The following SMURF1 variants were observed in gnomAD, a reference collection of about 807,000 sequenced individuals.
SMURF1 encodes the protein E3 ubiquitin-protein ligase SMURF1.
In SMURF1, 44 loss-of-function variants were observed where a neutral mutation model predicts 98.0. The observed-to-expected ratio is 0.45, with a 90% CI of 0.35 to 0.58. SMURF1 has a LOEUF of 0.58. Ranked by LOEUF, SMURF1 falls within the 20% of genes least tolerant of loss-of-function variation. The probability of loss-of-function intolerance (pLI) is 0.00; values close to 1 mark genes in which losing one functional copy is unlikely to be tolerated. For missense variants in SMURF1, 687 were observed against 938.4 expected, an observed-to-expected ratio of 0.73 and a Z score of 3.50; for synonymous variants, 396 against 374.9, an observed-to-expected ratio of 1.06 and a Z score of -0.65.
At chr7:99,116,480 C>T (rs1323127265) in intron 1 of SMURF1, among the ~76,000 whole-genome samples, 1 of 152,150 alleles carries the variant, frequency 6.6e-6, no homozygotes, top group Non-Finnish European at 1.5e-5. Context: ...AGAATCCACA[C>T]AAAAGCTGTT....
Position 99,054,802 on chromosome 7 carries a change from A to C in SMURF1, c.467T>G (p.Leu156Ter). 1 of 1,613,972 alleles carries C rather than the reference A, an allele frequency of 6.2e-7. No individual in the cohort carries two copies. Among genetic ancestry groups the C allele is most frequent in the Non-Finnish European group, 8.5e-7 (1 of 1,179,966 alleles). ...TGGTTATACGTACCCTTCATTTTCT[A>C]ACAGTCCTCTGCAGTCCACCACCGA... ...GGSVVDCRGL[L>*]ENEGTVYEDS... Residue 156 changes from leucine (L) to a stop codon, truncating the protein, a stop_gained, in exon 6 of 18, where the codon TTA (leucine) becomes TGA (stop). Transcript: ENST00000361368. LOFTEE classifies it high-confidence loss of function.
At chr7:99,119,206 C>T (rs1297716587) in intron 1 of SMURF1, among the ~76,000 whole-genome samples, 3 of 151,776 alleles carry the variant, frequency 2.0e-5, no homozygotes, top group African/African-American at 2.4e-5. Context: ...TTTTATCTAG[C>T]GTATCTTTGC....
chr7:99,120,389 C>G (rs1434801981), intron 1 of SMURF1, among the ~76,000 whole-genome samples: 1 of 152,182 alleles, frequency 6.6e-6, no homozygotes, highest in Non-Finnish European at 1.5e-5. Flanking sequence ...CTATCATTGT[C>G]TATTACTACC....
At chr7:99,136,426 T>C (rs940274532) in intron 1 of SMURF1, among the ~76,000 whole-genome samples, 1 of 152,270 alleles carries the variant, frequency 6.6e-6, no homozygotes, top group Admixed American at 6.5e-5. Flanking sequence ...TTTATCCTAT[T>C]TTTTGCCATG....
chr7:99,045,924 C>T (rs1195082544), intron 10 of SMURF1, 123 bp from the exon 11 acceptor site: 6 of 697,820 alleles, frequency 8.6e-6, no homozygotes, highest in Non-Finnish European at 1.5e-5. Context: ...TTATCTGGCT[C>T]CTCATCAGAA....
At position 99,144,019 on chromosome 7, in the gene SMURF1, GCCGCCGCCT is replaced by G. The variant is rs1270503601; in HGVS notation, c.-248_-240del. 4.8e-5 allele frequency: 8 copies of G among 167,520 alleles called. No homozygotes were observed. Among genetic ancestry groups the G allele is most frequent in the South Asian group, 3.0e-4 (1 of 3,286 alleles). The allele number at this position is 167,520 out of a possible 1,614,324, so 10.4% of individuals were successfully genotyped here. A position where few individuals can be genotyped will look rare whatever the true frequency, so the allele number is the denominator to read the frequency against. Reference sequence around the variant, plus strand: ...TTCCAGCCGAGCCCAGTCCCGAGCCGCCGCCGCCTCCGCCGCCGCCTCCGCCGCCTCCAC... The same window carrying G: ...TTCCAGCCGAGCCCAGTCCCGAGCCGCCGCCGCCGCCTCCGCCGCCTCCAC... On this transcript the variant is annotated 5_prime_UTR_variant, in exon 1 of 18. Coordinates refer to ENST00000361368, the MANE Select transcript of SMURF1 (RefSeq NM_181349.3).
chr7:99,112,636 T>G (rs1797349152), intron 1 of SMURF1, among the ~76,000 whole-genome samples: 2 of 151,916 alleles, frequency 1.3e-5, no homozygotes, highest in African/African-American at 4.8e-5. Flanking sequence ...AAAAAAGAAA[T>G]TAACAGAAAT....
At chr7:99,122,016 C>T (rs1334145670) in intron 1 of SMURF1, among the ~76,000 whole-genome samples, 3 of 152,186 alleles carry the variant, frequency 2.0e-5, no homozygotes, top group African/African-American at 7.2e-5. Context: ...GAAAAGACTA[C>T]AAGAACCTGT....
Position 99,035,563 on chromosome 7 carries a change from C to G in SMURF1, c.1963G>C (p.Val655Leu). The change falls in exon 16 of 18, where the codon GTG becomes CTG. Residue 655 changes from valine to leucine, a missense_variant. Val to Leu is a conservative substitution (Grantham distance 32). Transcript: ENST00000361368. Reference protein sequence around the residue: ...EERRARLLQFVTGSTRVPLQG... With the variant: ...EERRARLLQFLTGSTRVPLQG... ...AGCGGGACTCGCGTGGACCCAGTCA[C>G]AAACTGCAGGAGCCTGGCCCTCCTT... 6.2e-7 allele frequency: 1 copy of G among 1,614,252 alleles called. No homozygotes were observed. Among genetic ancestry groups the G allele is most frequent in the Non-Finnish European group, 8.5e-7 (1 of 1,180,050 alleles).
In SMURF1 at chr7:99,027,699, A is replaced by T. The variant is rs1002559195; in HGVS notation, c.*2885T>A. ...AAAACAAGACATTACAAAATAAATT[A>T]AAAAATACGTTATAAAGTGGTTGAG... On this transcript the variant is annotated 3_prime_UTR_variant, in exon 18 of 18. Transcript: ENST00000361368. 27 of 152,806 alleles carry T rather than the reference A, an allele frequency of 1.8e-4. No individual in the cohort carries two copies. Among genetic ancestry groups the T allele is most frequent in the Non-Finnish European group, 2.4e-4 (16 of 68,042 alleles). 9.5% of individuals were successfully genotyped at this position (152,806 alleles called of 1,614,324 possible). A position where few individuals can be genotyped will look rare whatever the true frequency, so the allele number is the denominator to read the frequency against.
chr7:99,036,957 C>T (rs1562997489), intron 15 of SMURF1, 110 bp downstream of exon 15: 1 of 1,544,972 alleles, frequency 6.5e-7, no homozygotes, highest in Non-Finnish European at 8.8e-7. Flanking sequence ...CCCAGCAGCT[C>T]CTAGGCTTAC....
At chr7:99,058,287 A>G (rs1429353087) in intron 3 of SMURF1, among the ~76,000 whole-genome samples, 1 of 151,396 alleles carries the variant, frequency 6.6e-6, no homozygotes, top group African/African-American at 2.4e-5. Context: ...CTGCCACCAC[A>G]CCTGGCTAAT....
chr7:99,033,660 G>GC (rs1298720732), intron 16 of SMURF1, among the ~76,000 whole-genome samples: 1 of 152,120 alleles, frequency 6.6e-6, no homozygotes, highest in Non-Finnish European at 1.5e-5. Context: ...GACTGCTAAG[G>GC]CCCCCCCTAA....
At chr7:99,075,124 T>A (rs900175425) in intron 1 of SMURF1, among the ~76,000 whole-genome samples, 6 of 149,586 alleles carry the variant, frequency 4.0e-5, no homozygotes, top group African/African-American at 1.3e-4. Context: ...TCTAGCAAAT[T>A]ATTATTATTT....
chr7:99,140,003 C>T (rs1798079533), intron 1 of SMURF1, among the ~76,000 whole-genome samples: 1 of 152,134 alleles, frequency 6.6e-6, no homozygotes, highest in South Asian at 2.1e-4. Context: ...TTAAGAATAC[C>T]ACTAAGCCCA....
chr7:99,119,001 C>A (rs1797527769), intron 1 of SMURF1, among the ~76,000 whole-genome samples: 2 of 121,960 alleles, frequency 1.6e-5, no homozygotes, highest in African/African-American at 3.2e-5. Context: ...GCTAACATGC[C>A]AATTTTTTTT....
At chr7:99,092,950 T>A (rs568642168) in intron 1 of SMURF1, among the ~76,000 whole-genome samples, 1 of 152,140 alleles carries the variant, frequency 6.6e-6, no homozygotes, top group Non-Finnish European at 1.5e-5. Flanking sequence ...ACACACCTAC[T>A]GAGAATAATG....
intron 5 of SMURF1, among the ~76,000 whole-genome samples, chr7:99,056,580 T>A (rs765458154): frequency 6.6e-6 from 1 of 152,230 alleles, no homozygotes; most frequent in Non-Finnish European, 1.5e-5. Flanking sequence ...GTGGCCACCA[T>A]TCTTATTATC....
At chr7:99,034,396 T>G (rs549535965) in intron 16 of SMURF1, among the ~76,000 whole-genome samples, 1 of 152,290 alleles carries the variant, frequency 6.6e-6, no homozygotes, top group East Asian at 1.9e-4. Flanking sequence ...AGCAGGAAGG[T>G]TTAGCATGTG....
Sources: allele counts gnomAD v4.1 joint callset (sites outside exome capture counted in the v4.1 genomes callset), GRCh38; gene constraint gnomAD v4.1.1; transcripts MANE v1.5; gene names NCBI Gene and HGNC (gene_info 2026-07-23, HGNC 2026-07-21).